ERLIN2: variants seen among roughly 807,000 people sequenced by gnomAD.
The protein encoded by ERLIN2 is erlin-2.
A neutral mutation model predicts 41.5 loss-of-function variants in ERLIN2; 22 were observed. The observed-to-expected ratio is 0.53, with a 90% CI of 0.38 to 0.76. The LOEUF is 0.76. Ranked by LOEUF, ERLIN2 falls within the 30% of genes least tolerant of loss-of-function variation. The probability of loss-of-function intolerance (pLI) is 0.00; values close to 1 mark genes in which losing one functional copy is unlikely to be tolerated. For missense variants in ERLIN2, 247 were observed against 414.3 expected, an observed-to-expected ratio of 0.60 and a Z score of 3.51; for synonymous variants, 149 against 150.9, an observed-to-expected ratio of 0.99 and a Z score of 0.09.
chr8:37,753,581 A>C, intron 11 of ERLIN2, 52 bp downstream of exon 11: 1 of 1,533,014 alleles, frequency 6.5e-7, no homozygotes, highest in Non-Finnish European at 9.0e-7. Context: ...CTGGGTCTGT[A>C]TTGCAGGAGA....
chr8:37,745,685 C>T, intron 6 of ERLIN2: 1 of 1,606,780 alleles, frequency 6.2e-7, no homozygotes, highest in Non-Finnish European at 8.5e-7. Flanking sequence ...AAGCAAACCG[C>T]CTTTTGCACC....
At chr8:37,740,320 T>G (rs1802805138) in intron 2 of ERLIN2, 45 bp from the exon 3 acceptor site, 1 of 1,407,568 alleles carries the variant, frequency 7.1e-7, no homozygotes, top group Non-Finnish European at 1.0e-6. Flanking sequence ...TAACAGAGCC[T>G]TCTTGCCAAA....
Position 37,754,091 on chromosome 8 carries a change from G to GGA in ERLIN2, c.999_1000dup (p.Thr334ArgfsTer13). On this transcript the variant is annotated frameshift_variant, in exon 12 of 12. Coordinates refer to ENST00000519638, the MANE Select transcript of ERLIN2 (RefSeq NM_007175.8). LOFTEE classifies it high-confidence loss of function. ...GCTTTGGCTTAGAAGATGAACCCTT[G>GGA]GAGACGGCCACTAAGGAGAATTGAA... 2 of 1,613,926 alleles carry GGA rather than the reference G, an allele frequency of 1.2e-6. No individual in the cohort carries two copies. Among genetic ancestry groups the GGA allele is most frequent in the Non-Finnish European group, 1.7e-6 (2 of 1,179,866 alleles).
chr8:37,748,255 T>C (rs991672443), intron 6 of ERLIN2, among the ~76,000 whole-genome samples: 1 of 152,256 alleles, frequency 6.6e-6, no homozygotes, highest in Non-Finnish European at 1.5e-5. Flanking sequence ...TAATTTGGTC[T>C]GAGGAATGAC....
rs1193025962 is a variant in ERLIN2, at chr8:37,757,384, T to G, written c.*3269T>G. ...TCTTGTTTCCTTATAAAACAGGTAATAACCAATCATTTTGTGTTTGTATTT... is the reference window on the plus strand; with the variant it reads ...TCTTGTTTCCTTATAAAACAGGTAAGAACCAATCATTTTGTGTTTGTATTT... On this transcript the variant is annotated 3_prime_UTR_variant, in exon 12 of 12. Transcript: ENST00000519638. 6.6e-6 allele frequency: 1 copy of G among 152,110 alleles called. No homozygotes were observed. The highest frequency in any genetic ancestry group is 1.5e-5 in the Non-Finnish European group (1 of 68,014). 9.4% of individuals were successfully genotyped at this position (152,110 alleles called of 1,614,324 possible).
Position 37,753,953 on chromosome 8 carries a change from C to A in ERLIN2, c.858C>A (p.Tyr286Ter). 1 of 1,612,974 alleles carries A rather than the reference C, an allele frequency of 6.2e-7. No homozygotes were observed. The highest frequency in any genetic ancestry group is 8.5e-7 in the Non-Finnish European group (1 of 1,179,670). Residue 286 changes from tyrosine (Y) to a stop codon, truncating the protein, a stop_gained, in exon 12 of 12, where the codon TAC becomes TAA. Coordinates refer to ENST00000519638, the MANE Select transcript of ERLIN2 (RefSeq NM_007175.8). LOFTEE classifies it high-confidence loss of function. ...CTGAATATCTGCAGCTGATGAAGTA[C>A]AAGGCCATTGCTTCCAACAGCAAGA... ...LTPEYLQLMK[Y>*]KAIASNSKIY...
rs1802976032 is a variant in ERLIN2, at chr8:37,744,677, G to A, written c.405G>A (p.Glu135=). ...TCTGCAGTGTGCACACGCTTCAAGA[G>A]GTCTACATTGAGCTGTTTGGTAAGA... The part of the protein sequence containing the change: ...NQFCSVHTLQ[E]VYIELFDQID... Residue 135 remains glutamate (E), a synonymous_variant, in exon 6 of 12, where the codon GAG becomes GAA. Transcript: ENST00000519638. 6.2e-7 allele frequency: 1 copy of A among 1,614,020 alleles called. No homozygotes were observed. The highest frequency in any genetic ancestry group is 1.3e-5 in the African/African-American group (1 of 74,910).
intron 6 of ERLIN2, chr8:37,747,612 T>C (rs754754428): frequency 1.8e-5 from 29 of 1,611,808 alleles, no homozygotes; most frequent in Non-Finnish European, 2.5e-5. Context: ...TCTGAGTATA[T>C]ATGTTCGTTT....
intron 6 of ERLIN2, among the ~76,000 whole-genome samples, chr8:37,749,205 G>C (rs919776177): frequency 1.4e-4 from 21 of 152,176 alleles, no homozygotes; most frequent in African/African-American, 4.6e-4. Flanking sequence ...CTATTGTCTA[G>C]GGAAAGGCTG....
At chr8:37,750,180 A>G in intron 8 of ERLIN2, 1 of 624,522 alleles carries the variant, frequency 1.6e-6, no homozygotes, top group Non-Finnish European at 2.8e-6. Context: ...ATTTTACTAA[A>G]TTATGTTTTA....
intron 6 of ERLIN2, among the ~76,000 whole-genome samples, chr8:37,748,643 A>G (rs540093548): frequency 6.6e-6 from 1 of 152,368 alleles, no homozygotes; most frequent in East Asian, 1.9e-4. Context: ...TGACCACGAA[A>G]GGACCACTTA....
intron 9 of ERLIN2, among the ~76,000 whole-genome samples, chr8:37,750,728 T>C (rs1251715050): frequency 6.6e-6 from 1 of 151,356 alleles, no homozygotes; most frequent in Non-Finnish European, 1.5e-5. Flanking sequence ...AATTCTTTCT[T>C]TTTTTTTTCT....
intron 2 of ERLIN2, among the ~76,000 whole-genome samples, chr8:37,738,309 CTGGTGCTCCTCAT>C (rs2129642535): frequency 6.6e-6 from 1 of 152,276 alleles, no homozygotes; most frequent in South Asian, 2.1e-4. Flanking sequence ...CTAAAGGAAA[CTGGTGCTCCTCAT>C]TGATCATCCC....
At position 37,749,868 on chromosome 8, in the gene ERLIN2, G is replaced by T; in HGVS notation, c.557+16G>T. ...ACGAGTTGATGTGAGTATACCCTCC[G>T]CCTGGGCTGTGACCACCACTGCCTC... On this transcript the variant is annotated intron_variant, in intron 8 of 11. Transcript: ENST00000519638. 6.2e-7 allele frequency: 1 copy of T among 1,612,678 alleles called. No homozygotes were observed. The highest frequency in any genetic ancestry group is 8.5e-7 in the Non-Finnish European group (1 of 1,178,752).
At chr8:37,752,858 G>C (rs373579325) in intron 10 of ERLIN2, among the ~76,000 whole-genome samples, 1 of 152,180 alleles carries the variant, frequency 6.6e-6, no homozygotes, top group Non-Finnish European at 1.5e-5. Flanking sequence ...TCTCAGAATC[G>C]CGCCAGCTTA....
intron 7 of ERLIN2, 51 bp from the exon 8 acceptor site, chr8:37,749,743 T>C: frequency 6.3e-7 from 1 of 1,582,696 alleles, no homozygotes; most frequent in East Asian, 2.2e-5. Flanking sequence ...GCTGGGTGTG[T>C]CCCTCACTAC....
At position 37,753,853 on chromosome 8, in the gene ERLIN2, A is replaced by G. The variant is rs577513854; in HGVS notation, c.820-62A>G. ...AATATAGGAAAATTGAAGGGGCACC[A>G]CTCCCCTCCTTCTCTAATATGGTTC... is the stretch of plus-strand genomic sequence containing the variant. On this transcript the variant is annotated intron_variant, in intron 11 of 11. Transcript: ENST00000519638. 62 of 1,303,694 alleles carry G rather than the reference A, an allele frequency of 4.8e-5. No individual in the cohort carries two copies. In the South Asian group the frequency reaches 5.4e-4, roughly 11 times the overall value. 80.8% of individuals were successfully genotyped at this position (1,303,694 alleles called of 1,614,324 possible). A position where few individuals can be genotyped will look rare whatever the true frequency, so the allele number is the denominator to read the frequency against.
At chr8:37,749,476 T>G in intron 6 of ERLIN2, 83 bp from the exon 7 acceptor site, 8 of 914,922 alleles carry the variant, frequency 8.7e-6, no homozygotes, top group Non-Finnish European at 1.5e-5. Context: ...AGCTGGTGAT[T>G]GAGCTTGCAC....
chr8:37,747,969 A>C, intron 6 of ERLIN2: 1 of 1,614,240 alleles, frequency 6.2e-7, no homozygotes, highest in Non-Finnish European at 8.5e-7. Context: ...CCCGAGTGTC[A>C]GAGCAGACTA....
Sources: gnomAD v4.1 joint callset for allele counts (sites outside exome capture counted in the v4.1 genomes callset) on GRCh38, gnomAD v4.1.1 for gene constraint, MANE v1.5 for transcripts, NCBI Gene and HGNC (gene_info 2026-07-23, HGNC 2026-07-21) for gene names.